Variants in PCGF6 observed in about 807,000 individuals in gnomAD.
The protein encoded by PCGF6 is polycomb group ring finger 6.
In PCGF6, 24 loss-of-function variants were observed where a neutral mutation model predicts 45.5. That is an observed-to-expected ratio of 0.53 (90% CI 0.38 to 0.74). The LOEUF is 0.74. PCGF6 is among the 30% of genes least tolerant of loss of function. The pLI is 0.00. For synonymous variants in PCGF6, 152 were observed against 162.1 expected (o/e 0.94, Z 0.47); for missense variants, 356 against 443.2 (o/e 0.80, Z 1.77).
At chr10:103,319,486 C>T (rs2093188883) in intron 8 of PCGF6, among the ~76,000 whole-genome samples, 1 of 151,946 alleles carries the variant, frequency 6.6e-6, no homozygotes, top group African/African-American at 2.4e-5. Flanking sequence ...TTCTTTTTTT[C>T]TGTGTCTGGC....
At chr10:103,349,385 T>A (rs1223129313) in intron 1 of PCGF6, among the ~76,000 whole-genome samples, 1 of 151,678 alleles carries the variant, frequency 6.6e-6, no homozygotes, top group Non-Finnish European at 1.5e-5. Context: ...TCTCAAAATG[T>A]CATTGCAACA....
chr10:103,335,243 A>C (rs1442654900), intron 6 of PCGF6, among the ~76,000 whole-genome samples: 2 of 151,838 alleles, frequency 1.3e-5, no homozygotes, highest in Non-Finnish European at 2.9e-5. Context: ...TTTAAGAGAT[A>C]GGGTCTCGCT....
chr10:103,343,785 A>C (rs1165537661), intron 6 of PCGF6, among the ~76,000 whole-genome samples: 1 of 128,682 alleles, frequency 7.8e-6, no homozygotes, highest in Non-Finnish European at 1.6e-5. Context: ...ATAAGCTGAG[A>C]TTGCACCACT....
At chr10:103,345,418 AC>A (rs2093295582) in intron 5 of PCGF6, among the ~76,000 whole-genome samples, 1 of 152,094 alleles carries the variant, frequency 6.6e-6, no homozygotes, top group Non-Finnish European at 1.5e-5. Context: ...CATAAGCACT[AC>A]TATGTGTCAG....
chr10:103,350,715 C>A lies in PCGF6; in HGVS notation c.352G>T (p.Glu118Ter), dbSNP rs779090040. ...LEGGRQDSED[E>*]EERLINLSEL... ...GCGGGGGCTCTAAATACCTCCTCCTCGTCCTCCGAGTCCTGCCGGCCTCCC... is the reference window on the plus strand; with the variant it reads ...GCGGGGGCTCTAAATACCTCCTCCTAGTCCTCCGAGTCCTGCCGGCCTCCC... Residue 118 changes from glutamate (E) to a stop codon, truncating the protein, a stop_gained, in exon 1 of 10, where the codon GAG becomes TAG. Transcript: ENST00000369847. LOFTEE classifies it high-confidence loss of function. 2.0e-6 allele frequency: 3 copies of A among 1,529,162 alleles called. No individual in the cohort carries two copies. Among genetic ancestry groups the A allele is most frequent in the Admixed American group, 2.0e-5 (1 of 50,060 alleles). The allele number at this position is 1,529,162 out of a possible 1,614,324, so 94.7% of individuals were successfully genotyped here.
intron 9 of PCGF6, among the ~76,000 whole-genome samples, chr10:103,310,430 CA>C (rs1397529305): frequency 6.6e-6 from 1 of 152,020 alleles, no homozygotes; most frequent in Non-Finnish European, 1.5e-5. Flanking sequence ...TTGAGTTAAA[CA>C]AATAGGTATT....
At chr10:103,339,723 G>C (rs1001383035) in intron 6 of PCGF6, among the ~76,000 whole-genome samples, 1 of 150,886 alleles carries the variant, frequency 6.6e-6, no homozygotes, top group Non-Finnish European at 1.5e-5. Flanking sequence ...CCGGAAGACT[G>C]AGGACTGAGG....
chr10:103,338,337 A>C (rs2093265629), intron 6 of PCGF6, among the ~76,000 whole-genome samples: 1 of 151,712 alleles, frequency 6.6e-6, no homozygotes, highest in African/African-American at 2.4e-5. Context: ...AGGTCAGGAG[A>C]TCGAGACCAT....
intron 7 of PCGF6, among the ~76,000 whole-genome samples, chr10:103,329,136 T>C (rs1202922161): frequency 6.6e-5 from 10 of 151,898 alleles, no homozygotes; most frequent in Non-Finnish European, 1.0e-4. Context: ...GCCTCTTGGA[T>C]TCAAGTGATT....
chr10:103,339,919 T>C (rs1255364934), intron 6 of PCGF6, among the ~76,000 whole-genome samples: 2 of 140,514 alleles, frequency 1.4e-5, no homozygotes, highest in Non-Finnish European at 3.0e-5. Flanking sequence ...ATCCGAGCAC[T>C]CTGGGAGGCT....
intron 8 of PCGF6, among the ~76,000 whole-genome samples, chr10:103,315,078 A>C (rs1208598435): frequency 6.6e-6 from 1 of 152,124 alleles, no homozygotes; most frequent in Admixed American, 6.6e-5. Flanking sequence ...TGCCACATAA[A>C]TCATAGTACA....
intron 9 of PCGF6, among the ~76,000 whole-genome samples, chr10:103,311,481 G>A (rs1592055262): frequency 7.0e-6 from 1 of 143,454 alleles, no homozygotes; most frequent in African/African-American, 2.6e-5. Context: ...GTCCTGCTCC[G>A]TTGCCCAAGC....
chr10:103,326,510 T>C, intron 8 of PCGF6, 24 bp downstream of exon 8: 1 of 1,494,492 alleles, frequency 6.7e-7, no homozygotes, highest in South Asian at 1.2e-5. Flanking sequence ...ACTTTACCTA[T>C]TCTTTTACAT....
chr10:103,309,418 A>G (rs2093148841), intron 9 of PCGF6, among the ~76,000 whole-genome samples: 1 of 152,178 alleles, frequency 6.6e-6, no homozygotes, highest in Non-Finnish European at 1.5e-5. Flanking sequence ...AAAAGTGTGT[A>G]GCACTTCCCT....
At chr10:103,314,345 T>C (rs910403163) in intron 8 of PCGF6, 73 bp from the exon 9 acceptor site, 9 of 898,442 alleles carry the variant, frequency 1.0e-5, no homozygotes, top group African/African-American at 1.7e-5. Flanking sequence ...GGAAAACAAA[T>C]CAACATAAAT....
Position 103,333,906 on chromosome 10 carries a change from G to GAA in PCGF6, c.810+17_810+18dup. On this transcript the variant is annotated intron_variant, in intron 7 of 9. Coordinates refer to ENST00000369847, the MANE Select transcript of PCGF6 (RefSeq NM_001011663.2). ...TACAGAGTCCTCTTGTGAAATGAAT[G>GAA]AAAAAAAAAGTAAAATACCTTAAAA... 5 of 1,526,346 alleles carry GAA rather than the reference G, an allele frequency of 3.3e-6. No individual in the cohort carries two copies. The highest frequency in any genetic ancestry group is 2.5e-5 in the South Asian group (2 of 78,662). 94.6% of individuals were successfully genotyped at this position (1,526,346 alleles called of 1,614,324 possible).
intron 9 of PCGF6, among the ~76,000 whole-genome samples, chr10:103,306,247 G>A (rs946607623): frequency 7.2e-5 from 11 of 151,928 alleles, no homozygotes; most frequent in East Asian, 3.9e-4. Context: ...ACAGGCAGGC[G>A]TCAACACCCA....
At chr10:103,306,226 T>C (rs990408262) in intron 9 of PCGF6, among the ~76,000 whole-genome samples, 3 of 151,946 alleles carry the variant, frequency 2.0e-5, no homozygotes, top group Non-Finnish European at 4.4e-5. Context: ...GCCTCCTGAG[T>C]AGCTGGGATT....
rs1380355342 is a variant in PCGF6 at position 103,302,877 on chromosome 10, T to C, written c.*1028A>G. On this transcript the variant is annotated 3_prime_UTR_variant, in exon 10 of 10. Coordinates refer to ENST00000369847, the MANE Select transcript of PCGF6 (RefSeq NM_001011663.2). Reference sequence around the variant, plus strand: ...TTCTTTACAAAGAATTGCCAATCTTTTTCCAATTTTGTAGTAGTCTCTACA... The same window carrying C: ...TTCTTTACAAAGAATTGCCAATCTTCTTCCAATTTTGTAGTAGTCTCTACA... The C allele has an allele frequency of 6.6e-6, 1 of 152,240 alleles. No homozygotes were observed. Among genetic ancestry groups the C allele is most frequent in the Non-Finnish European group, 1.5e-5 (1 of 68,046 alleles). The allele number at this position is 152,240 out of a possible 1,614,324, so 9.4% of individuals were successfully genotyped here.
Sources: allele counts gnomAD v4.1 joint callset (sites outside exome capture counted in the v4.1 genomes callset), GRCh38; gene constraint gnomAD v4.1.1; transcripts MANE v1.5; gene names NCBI Gene and HGNC (gene_info 2026-07-23, HGNC 2026-07-21).